The following PBX1 variants were observed in gnomAD, a reference collection of about 807,000 sequenced individuals.
The protein encoded by PBX1 is pre-B-cell leukemia transcription factor 1.
A neutral mutation model predicts 53.4 loss-of-function variants in PBX1; 6 were observed. The observed-to-expected ratio is 0.11, with a 90% CI of 0.06 to 0.22. The LOEUF (loss-of-function observed/expected upper bound fraction) is 0.22, where lower values mean the gene tolerates loss of function less well. Among genes scored for constraint, PBX1 ranks in the 10% least tolerant of loss-of-function variants. PBX1 has a pLI of 1.00. For missense variants in PBX1, 251 were observed against 551.4 expected, an observed-to-expected ratio of 0.46 and a Z score of 5.46; for synonymous variants, 204 against 212.3, an observed-to-expected ratio of 0.96 and a Z score of 0.34.
intron 2 of PBX1, among the ~76,000 whole-genome samples, chr1:164,779,173 T>C (rs1667814465): frequency 6.6e-6 from 1 of 151,926 alleles, no homozygotes; most frequent in Non-Finnish European, 1.5e-5. Context: ...TTAATTTCCA[T>C]GAAAGAAAAT....
At chr1:164,652,153 G>T (rs1659866724) in intron 2 of PBX1, 1 of 152,028 alleles carries the variant, frequency 6.6e-6, no homozygotes, top group African/African-American at 2.4e-5. Context: ...CGTCTCCCAG[G>T]TTCAAGCCAG....
intron 2 of PBX1, among the ~76,000 whole-genome samples, chr1:164,617,894 C>A (rs1415506938): frequency 6.6e-6 from 1 of 152,014 alleles, no homozygotes; most frequent in Non-Finnish European, 1.5e-5. Flanking sequence ...ATCTCTTGTC[C>A]CATTTTCTTT....
At chr1:164,802,429 C>T (rs1222002109) in intron 4 of PBX1, among the ~76,000 whole-genome samples, 2 of 152,160 alleles carry the variant, frequency 1.3e-5, no homozygotes, top group Non-Finnish European at 2.9e-5. Context: ...GACTGAGGGC[C>T]TCAGTTCCTA....
intron 2 of PBX1, among the ~76,000 whole-genome samples, chr1:164,871,735 G>C (rs1392346724): frequency 1.3e-5 from 2 of 152,118 alleles, no homozygotes; most frequent in African/African-American, 2.4e-5. Flanking sequence ...GGTGAAGGTG[G>C]CCAAAGAACC....
chr1:164,775,073 C>T (rs1353052590), intron 2 of PBX1, among the ~76,000 whole-genome samples: 4 of 152,122 alleles, frequency 2.6e-5, no homozygotes, highest in African/African-American at 7.2e-5. Context: ...CGAGGAAGCT[C>T]GCTTAGGGGT....
intron 2 of PBX1, among the ~76,000 whole-genome samples, chr1:164,751,868 C>T (rs1468242851): frequency 6.6e-6 from 1 of 152,112 alleles, no homozygotes; most frequent in Non-Finnish European, 1.5e-5. Flanking sequence ...AGGCATGAGC[C>T]ACCACGCCCG....
At chr1:164,674,123 T>G (rs745985623) in intron 2 of PBX1, among the ~76,000 whole-genome samples, 1 of 152,224 alleles carries the variant, frequency 6.6e-6, no homozygotes, top group Non-Finnish European at 1.5e-5. Context: ...CTTTTAGCCA[T>G]CAGTCCCTGG....
intron 2 of PBX1, among the ~76,000 whole-genome samples, chr1:164,786,100 G>T (rs1286273079): frequency 6.6e-6 from 1 of 152,242 alleles, no homozygotes; most frequent in Non-Finnish European, 1.5e-5. Flanking sequence ...CAGGGGGAAA[G>T]AGAGCACATA....
chr1:164,766,422 C>T (rs1406770518), intron 2 of PBX1, among the ~76,000 whole-genome samples: 1 of 152,154 alleles, frequency 6.6e-6, no homozygotes. Flanking sequence ...TAATCATCAT[C>T]ACCCCTGCTT....
chr1:164,719,639 T>TTGAG (rs1664295755), intron 2 of PBX1, among the ~76,000 whole-genome samples: 1 of 152,142 alleles, frequency 6.6e-6, no homozygotes, highest in South Asian at 2.1e-4. Flanking sequence ...TCCCAGTGAA[T>TTGAG]TGAGACCTGT....
intron 2 of PBX1, chr1:164,771,638 G>C (rs1274799439): frequency 6.6e-6 from 1 of 150,800 alleles, no homozygotes; most frequent in Non-Finnish European, 1.5e-5. Flanking sequence ...GAACATTGTT[G>C]CGAGTCATGA....
At chr1:164,861,089 A>C (rs1332738289) in intron 2 of PBX1, among the ~76,000 whole-genome samples, 1 of 149,732 alleles carries the variant, frequency 6.7e-6, no homozygotes, top group Non-Finnish European at 1.5e-5. Context: ...TTAAAGGAGA[A>C]ATGTTAAGAG....
intron 2 of PBX1, among the ~76,000 whole-genome samples, chr1:164,781,103 G>T (rs1373099755): frequency 6.6e-6 from 1 of 152,160 alleles, no homozygotes; most frequent in Non-Finnish European, 1.5e-5. Flanking sequence ...AGTGGTGATG[G>T]ATCATCCACA....
At chr1:164,572,347 A>G (rs1287121340) in intron 2 of PBX1, among the ~76,000 whole-genome samples, 1 of 152,168 alleles carries the variant, frequency 6.6e-6, no homozygotes, top group Admixed American at 6.5e-5. Flanking sequence ...TTAGGACTCT[A>G]CTGTGTTTAT....
chr1:164,751,706 C>T (rs1164026114), intron 2 of PBX1, among the ~76,000 whole-genome samples: 13 of 151,568 alleles, frequency 8.6e-5, no homozygotes, highest in South Asian at 4.2e-4. Context: ...CTCCGCCTCC[C>T]GAGTAGCTGG....
intron 2 of PBX1, among the ~76,000 whole-genome samples, chr1:164,777,735 T>A (rs1328428098): frequency 6.6e-6 from 1 of 152,252 alleles, no homozygotes; most frequent in Non-Finnish European, 1.5e-5. Flanking sequence ...TCCTCAGTTT[T>A]GCAATCAGCA....
rs1486292187 is a variant in PBX1, at chr1:164,682,241, T to C, written c.266-110253T>C. 2 of 152,244 alleles carry C rather than the reference T, an allele frequency of 1.3e-5. 1 individual carries two copies. The highest frequency in any genetic ancestry group is 2.9e-5 in the Non-Finnish European group (2 of 68,034). The allele number at this position is 152,244 out of a possible 1,614,324, so 9.4% of individuals were successfully genotyped here. On this transcript the variant is annotated intron_variant, in intron 2 of 8. Coordinates refer to ENST00000420696, the MANE Select transcript of PBX1 (RefSeq NM_002585.4). ...CATTACTAATTCAGACAGGCCCTTC[T>C]GGTTGTTCTGAATTGGAGAGAGAGC...
chr1:164,754,255 A>G (rs1666385972), intron 2 of PBX1, among the ~76,000 whole-genome samples: 1 of 152,098 alleles, frequency 6.6e-6, no homozygotes, highest in Non-Finnish European at 1.5e-5. Context: ...TGTTCACTTT[A>G]GAGTGTTTCT....
chr1:164,601,247 A>G (rs1656153742), intron 2 of PBX1, among the ~76,000 whole-genome samples: 1 of 150,216 alleles, frequency 6.7e-6, no homozygotes, highest in Non-Finnish European at 1.5e-5. Context: ...AAAAAAAAAA[A>G]AAAAAAAAAA....
Sources: allele counts gnomAD v4.1 joint callset (sites outside exome capture counted in the v4.1 genomes callset), GRCh38; gene constraint gnomAD v4.1.1; transcripts MANE v1.5; gene names NCBI Gene and HGNC (gene_info 2026-07-23, HGNC 2026-07-21).